The following DCDC1 variants were observed in gnomAD, a reference collection of about 807,000 sequenced individuals.
DCDC1 encodes doublecortin domain containing 1.
Under a neutral mutation model 178.3 loss-of-function variants are expected in DCDC1, and 200 were observed. The observed-to-expected ratio is 1.12, with a 90% CI of 1.00 to 1.26. DCDC1 has a LOEUF of 1.26. Among genes scored for constraint, DCDC1 ranks in the 50% most tolerant of loss-of-function variants. The probability of loss-of-function intolerance (pLI) is 0.00; values close to 1 mark genes in which losing one functional copy is unlikely to be tolerated. For synonymous variants in DCDC1, 690 were observed against 604.8 expected (o/e 1.14, Z -2.07); for missense variants, 1,983 against 1,749.2 (o/e 1.13, Z -2.38).
intron 9 of DCDC1, among the ~76,000 whole-genome samples, chr11:31,159,265 C>T (rs900711409): frequency 1.3e-5 from 2 of 152,184 alleles, no homozygotes; most frequent in Admixed American, 6.5e-5. Flanking sequence ...AAAATAGCTG[C>T]TTTCCTCCAG....
chr11:30,915,422 T>C (rs1264410759), intron 27 of DCDC1, 89 bp downstream of exon 27: 9 of 1,379,360 alleles, frequency 6.5e-6, no homozygotes, highest in South Asian at 2.5e-5. Context: ...TTCTCAGATA[T>C]AGTTCATCTT....
intron 9 of DCDC1, among the ~76,000 whole-genome samples, chr11:31,212,278 T>G (rs1449770325): frequency 6.6e-6 from 1 of 151,958 alleles, no homozygotes; most frequent in Admixed American, 6.6e-5. Flanking sequence ...ACCCTTACAA[T>G]GCGAAAATTT....
chr11:31,034,226 C>T (rs1953868101), intron 20 of DCDC1, among the ~76,000 whole-genome samples: 1 of 149,738 alleles, frequency 6.7e-6, no homozygotes, highest in South Asian at 2.1e-4. Flanking sequence ...AACAGCTGTA[C>T]AATGTGTTTG....
At chr11:31,214,386 G>T (rs1222321632) in intron 9 of DCDC1, among the ~76,000 whole-genome samples, 1 of 152,050 alleles carries the variant, frequency 6.6e-6, no homozygotes, top group Non-Finnish European at 1.5e-5. Context: ...TGTAAAAGTA[G>T]ATTTAAACAT....
intron 20 of DCDC1, among the ~76,000 whole-genome samples, chr11:31,022,825 A>G (rs1233105769): frequency 2.6e-5 from 4 of 151,892 alleles, no homozygotes; most frequent in Non-Finnish European, 2.9e-5. Flanking sequence ...AGTACCTCAA[A>G]AGCAGGAAAT....
At position 31,127,545 on chromosome 11, in the gene DCDC1, T is replaced by A. The variant is rs187812426; in HGVS notation, c.1409A>T (p.Gln470Leu). ...GTGTTGGTAGACATAAGAGGAGAAT[T>A]GCTCCTGCTCAGCCTGTAATTGGGG... is the stretch of plus-strand genomic sequence containing the variant. The part of the protein sequence containing the change: ...LGPQLQAEQE[Q>L]FSSYVYQHIK... The change falls in exon 11 of 39, where the codon CAA becomes CTA. Residue 470 changes from glutamine (Q) to leucine (L), a missense_variant. By Grantham distance (113) the Gln-to-Leu change is moderately radical. Transcript: ENST00000684477. The A allele has an allele frequency of 2.4e-5, 17 of 702,744 alleles. No homozygotes were observed. The Admixed American group carries it at 3.4e-4, about 14-fold the overall frequency. The allele number at this position is 702,744 out of a possible 1,614,324, so 43.5% of individuals were successfully genotyped here.
chr11:31,065,451 T>A (rs1248534920), intron 18 of DCDC1, among the ~76,000 whole-genome samples: 1 of 152,188 alleles, frequency 6.6e-6, no homozygotes, highest in South Asian at 2.1e-4. Flanking sequence ...TTTATTGAGT[T>A]ATTTCTAGAT....
intron 10 of DCDC1, among the ~76,000 whole-genome samples, chr11:31,132,263 C>T (rs941456040): frequency 3.3e-5 from 5 of 152,140 alleles, no homozygotes; most frequent in Admixed American, 2.6e-4. Flanking sequence ...TTTACTCAAA[C>T]TTGATGTTAC....
intron 9 of DCDC1, among the ~76,000 whole-genome samples, chr11:31,148,683 A>ACAGAG: frequency 1.3e-5 from 2 of 150,046 alleles, no homozygotes; most frequent in South Asian, 4.3e-4. Context: ...TTTCTTTTAT[A>ACAGAG]CAGAGCAAGA....
At chr11:31,085,496 C>CT (rs1284519385) in intron 17 of DCDC1, among the ~76,000 whole-genome samples, 3 of 152,118 alleles carry the variant, frequency 2.0e-5, no homozygotes, top group Admixed American at 6.6e-5. Flanking sequence ...ACAATATGTA[C>CT]TTTTTTTGTT....
chr11:31,049,559 T>C (rs544244021), intron 20 of DCDC1, among the ~76,000 whole-genome samples: 13 of 152,164 alleles, frequency 8.5e-5, no homozygotes, highest in African/African-American at 2.2e-4. Flanking sequence ...GAGGTTAGCA[T>C]TGTGAATTTT....
At chr11:31,322,022 C>T (rs1002759594) in intron 3 of DCDC1, among the ~76,000 whole-genome samples, 2 of 152,174 alleles carry the variant, frequency 1.3e-5, no homozygotes, top group African/African-American at 4.8e-5. Context: ...CATAGTTATT[C>T]CTTATTCTAA....
chr11:31,091,146 T>G (rs1957797026), intron 17 of DCDC1, among the ~76,000 whole-genome samples: 1 of 152,242 alleles, frequency 6.6e-6, no homozygotes, highest in Admixed American at 6.5e-5. Flanking sequence ...AGCAGCAGTT[T>G]GTCTACGACA....
chr11:31,276,631 C>T (rs1380510127), intron 7 of DCDC1, among the ~76,000 whole-genome samples: 4 of 152,008 alleles, frequency 2.6e-5, no homozygotes. Flanking sequence ...CCAGAAAATG[C>T]CAGAAGATTG....
rs1948551270 is a variant in DCDC1 at position 31,307,770 on chromosome 11, T to C, written c.303A>G (p.Gln101=). 6.2e-7 allele frequency: 1 copy of C among 1,614,154 alleles called. No homozygotes were observed. Among genetic ancestry groups the C allele is most frequent in the African/African-American group, 1.3e-5 (1 of 75,052 alleles). Residue 101 remains glutamine (Q), a synonymous_variant, in exon 4 of 39, where the codon CAA becomes CAG. Coordinates refer to ENST00000684477, the MANE Select transcript of DCDC1 (RefSeq NM_001387274.1). ...GSGLQDCSTH[Q]TASDHSHDEI... is the part of the protein sequence containing the mutation. ...CATCATGGCTGTGATCTGATGCTGT[T>C]TGATGTGTGGAGCAATCTTGAAGTC... is the stretch of plus-strand genomic sequence containing the variant.
chr11:31,255,473 C>G (rs756992053), intron 8 of DCDC1, among the ~76,000 whole-genome samples: 12 of 151,400 alleles, frequency 7.9e-5, no homozygotes, highest in South Asian at 2.1e-4. Flanking sequence ...TTGTTATTCT[C>G]TGTGTGTGTG....
chr11:31,272,637 C>T (rs1945651359), intron 7 of DCDC1, among the ~76,000 whole-genome samples: 1 of 152,216 alleles, frequency 6.6e-6, no homozygotes, highest in Non-Finnish European at 1.5e-5. Flanking sequence ...TAAAATCCAA[C>T]AGGGTGGTCA....
chr11:31,283,928 C>CTTT (rs149857468), intron 7 of DCDC1, among the ~76,000 whole-genome samples: 2 of 151,794 alleles, frequency 1.3e-5, no homozygotes, highest in East Asian at 3.9e-4. Context: ...AAACACTGTG[C>CTTT]TTTTCTCAGA....
intron 1 of DCDC1, among the ~76,000 whole-genome samples, chr11:31,344,080 T>C (rs1950689490): frequency 6.6e-6 from 1 of 152,178 alleles, no homozygotes; most frequent in African/African-American, 2.4e-5. Flanking sequence ...AAGTAGAACA[T>C]ATTCACAGGC....
Sources: gnomAD v4.1 joint callset for allele counts (sites outside exome capture counted in the v4.1 genomes callset) on GRCh38, gnomAD v4.1.1 for gene constraint, MANE v1.5 for transcripts, NCBI Gene and HGNC (gene_info 2026-07-23, HGNC 2026-07-21) for gene names.